NFIB: variants seen among roughly 807,000 people sequenced by gnomAD.
NFIB encodes the protein nuclear factor I B, also known as nuclear factor 1 B-type.
In NFIB, 11 loss-of-function variants were observed where a neutral mutation model predicts 61.5. That is an observed-to-expected ratio of 0.18 (90% CI 0.11 to 0.30). The LOEUF is 0.30. NFIB is among the 10% of genes least tolerant of loss of function. NFIB has a pLI of 1.00. For missense variants in NFIB, 471 were observed against 608.9 expected (o/e 0.77, Z 2.38); for synonymous variants, 260 against 216.5 (o/e 1.20, Z -1.76).
At chr9:14,346,290 A>AACCCCCCC (rs2061019183) in intron 1 of NFIB, among the ~76,000 whole-genome samples, 4 of 88,438 alleles carry the variant, frequency 4.5e-5, no homozygotes, top group Non-Finnish European at 1.0e-4. Flanking sequence ...GGTAACCGAC[A>AACCCCCCC]CCCCCCCCCC....
At chr9:14,272,963 G>A (rs1475327101) in intron 2 of NFIB, among the ~76,000 whole-genome samples, 1 of 152,046 alleles carries the variant, frequency 6.6e-6, no homozygotes, top group Admixed American at 6.6e-5. Flanking sequence ...TGGCAATCCC[G>A]ACAGTCTGCT....
At chr9:14,342,299 A>G (rs142500037) in intron 1 of NFIB, among the ~76,000 whole-genome samples, 85 of 152,324 alleles carry the variant, frequency 5.6e-4, no homozygotes, top group African/African-American at 1.9e-3. Context: ...TAGGGTCTGC[A>G]GTGTTTCATT....
chr9:14,303,965 C>T (rs992752716), intron 2 of NFIB, among the ~76,000 whole-genome samples: 2 of 152,172 alleles, frequency 1.3e-5, no homozygotes, highest in African/African-American at 4.8e-5. Context: ...TCAGCCTTTG[C>T]TAATATAAGG....
chr9:14,261,567 T>C (rs1363900208), intron 2 of NFIB, among the ~76,000 whole-genome samples: 2 of 152,038 alleles, frequency 1.3e-5, no homozygotes, highest in Non-Finnish European at 2.9e-5. Context: ...AATTTATTAG[T>C]GTGCAAGGGG....
chr9:14,127,346 T>C (rs991930796), intron 6 of NFIB, among the ~76,000 whole-genome samples: 6 of 152,188 alleles, frequency 3.9e-5, no homozygotes, highest in Admixed American at 3.9e-4. Context: ...TTGTATTTTA[T>C]TATGAAAAAT....
intron 10 of NFIB, among the ~76,000 whole-genome samples, chr9:14,110,571 G>A (rs927220910): frequency 5.9e-5 from 9 of 151,974 alleles, no homozygotes; most frequent in Admixed American, 5.9e-4. Context: ...TTTAGAAACT[G>A]CCTCTAGAAG....
chr9:14,411,436 G>C, the NFIB span, among the ~76,000 whole-genome samples: 1 of 152,170 alleles, frequency 6.6e-6, no homozygotes, highest in Non-Finnish European at 1.5e-5. Context: ...AAGGAATTTA[G>C]TATATTCTCA....
chr9:14,244,154 G>A (rs1026777538), intron 2 of NFIB, among the ~76,000 whole-genome samples: 1 of 152,098 alleles, frequency 6.6e-6, no homozygotes, highest in Non-Finnish European at 1.5e-5. Context: ...TCTCTTTTAA[G>A]CATGCAACTC....
the NFIB span, among the ~76,000 whole-genome samples, chr9:14,453,417 T>C: frequency 6.6e-6 from 1 of 152,222 alleles, no homozygotes; most frequent in Non-Finnish European, 1.5e-5. Flanking sequence ...AGTGCTTACA[T>C]CCTAATAGGT....
At chr9:14,443,258 T>C in the NFIB span, among the ~76,000 whole-genome samples, 1 of 152,074 alleles carries the variant, frequency 6.6e-6, no homozygotes, top group African/African-American at 2.4e-5. Flanking sequence ...GTCTCCATGC[T>C]ACCCACCTCC....
intron 2 of NFIB, among the ~76,000 whole-genome samples, chr9:14,231,135 A>AAAATAT (rs55959148): frequency 2.6e-3 from 91 of 35,348 alleles, no homozygotes; most frequent in African/African-American, 7.6e-3. Flanking sequence ...AAAAAAAAAA[A>AAAATAT]ATATATATAT....
intron 2 of NFIB, among the ~76,000 whole-genome samples, chr9:14,248,103 T>G (rs1334973726): frequency 7.9e-5 from 12 of 151,750 alleles, no homozygotes. Context: ...CAGCTAACTT[T>G]TGAATTTTTT....
the NFIB span, among the ~76,000 whole-genome samples, chr9:14,495,891 G>A: frequency 1.3e-5 from 2 of 152,256 alleles, no homozygotes; most frequent in East Asian, 3.9e-4. Flanking sequence ...TAGTGACTAA[G>A]GTTCTAGGAT....
chr9:14,367,591 C>A lies in NFIB; in HGVS notation c.108+30933G>T, dbSNP rs372640958. 5.9e-5 allele frequency among the ~76,000 whole-genome samples: 9 copies of A among 152,090 alleles called. No individual in the cohort carries two copies. In the East Asian group the frequency reaches 1.6e-3, roughly 26 times the overall value. On this transcript the variant is annotated intron_variant, in intron 1 of 8. Coordinates refer to the NFIB transcript ENST00000380934. ...TGCTGAGGGGGTTTAAGCCTTAGAG[C>A]AATTGATACATGAGAGGGCAAAGAC...
chr9:14,455,475 T>C, the NFIB span, among the ~76,000 whole-genome samples: 58 of 152,260 alleles, frequency 3.8e-4, no homozygotes, highest in African/African-American at 1.3e-3. Context: ...TCAAGGCTTT[T>C]AGTTAGTGGA....
intron 2 of NFIB, among the ~76,000 whole-genome samples, chr9:14,200,707 G>C (rs779593211): frequency 2.0e-5 from 3 of 151,906 alleles, no homozygotes; most frequent in Non-Finnish European, 4.4e-5. Context: ...CTCTTCTGTT[G>C]GTCCCTTATA....
At chr9:14,513,948 C>T in the NFIB span, among the ~76,000 whole-genome samples, 5 of 152,134 alleles carry the variant, frequency 3.3e-5, no homozygotes, top group African/African-American at 4.8e-5. Flanking sequence ...TGAACAATGC[C>T]TATGATGCTA....
intron 2 of NFIB, among the ~76,000 whole-genome samples, chr9:14,212,493 C>G (rs2050415565): frequency 2.0e-5 from 3 of 152,048 alleles, no homozygotes; most frequent in African/African-American, 7.2e-5. Flanking sequence ...GGTTAGAAAA[C>G]AACTAACAAC....
chr9:14,467,540 C>T, the NFIB span, among the ~76,000 whole-genome samples: 3 of 152,174 alleles, frequency 2.0e-5, no homozygotes, highest in East Asian at 5.8e-4. Flanking sequence ...TATCCTTTGT[C>T]CTGGTGCTAT....
Sources: allele counts gnomAD v4.1 joint callset (sites outside exome capture counted in the v4.1 genomes callset), GRCh38; gene constraint gnomAD v4.1.1; transcripts MANE v1.5; gene names NCBI Gene and HGNC (gene_info 2026-07-23, HGNC 2026-07-21).